Variants in BRINP2 observed in about 807,000 individuals in gnomAD.
BRINP2 encodes BMP/retinoic acid-inducible neural-specific protein 2.
In BRINP2, 21 loss-of-function variants were observed where a neutral mutation model predicts 69.2. The observed-to-expected ratio is 0.30, with a 90% CI of 0.22 to 0.44. The LOEUF (loss-of-function observed/expected upper bound fraction) is 0.44. Ranked by LOEUF, BRINP2 falls within the 20% of genes least tolerant of loss-of-function variation. The pLI is 1.00. For missense variants in BRINP2, 877 were observed against 986.0 expected, an observed-to-expected ratio of 0.89 and a Z score of 1.48; for synonymous variants, 380 against 394.1, an observed-to-expected ratio of 0.96 and a Z score of 0.42.
intron 1 of BRINP2, among the ~76,000 whole-genome samples, chr1:177,205,012 TC>T (rs1649031655): frequency 6.6e-6 from 1 of 152,230 alleles, no homozygotes; most frequent in Admixed American, 6.5e-5. Context: ...GCTCAAGCAA[TC>T]TATTATTTGA....
At chr1:177,279,677 A>C (rs1436452389) in intron 7 of BRINP2, among the ~76,000 whole-genome samples, 5 of 152,254 alleles carry the variant, frequency 3.3e-5, no homozygotes, top group African/African-American at 1.2e-4. Context: ...ATAATGATTA[A>C]AGGCTTACCA....
In BRINP2 at chr1:177,263,362, A is replaced by G. The variant is rs569466680; in HGVS notation, c.669+5978A>G. Among the ~76,000 whole-genome samples, 8 of 152,320 alleles carry G rather than the reference A, an allele frequency of 5.3e-5. No homozygotes were observed. In the South Asian group the frequency reaches 1.7e-3, roughly 32 times the overall value. ...AAGAAAAATAAACTGCAATGAGGAC[A>G]GGTAGTGGGTGCTAAGAGTCCAGTG... is the stretch of plus-strand genomic sequence containing the variant. On this transcript the variant is annotated intron_variant, in intron 4 of 7. Coordinates refer to ENST00000361539, the MANE Select transcript of BRINP2 (RefSeq NM_021165.4).
chr1:177,272,997 A>C (rs975069559), intron 4 of BRINP2, among the ~76,000 whole-genome samples: 1 of 152,208 alleles, frequency 6.6e-6, no homozygotes, highest in African/African-American at 2.4e-5. Context: ...CTCAGTGCCG[A>C]GGTGGGACTT....
chr1:177,180,830 A>G (rs1282843077), intron 1 of BRINP2, among the ~76,000 whole-genome samples: 2 of 152,220 alleles, frequency 1.3e-5, no homozygotes, highest in East Asian at 1.9e-4. Flanking sequence ...GTGATATATT[A>G]AAATTGATTT....
intron 1 of BRINP2, among the ~76,000 whole-genome samples, chr1:177,181,833 G>A (rs1648261413): frequency 6.6e-6 from 1 of 152,168 alleles, no homozygotes; most frequent in Non-Finnish European, 1.5e-5. Flanking sequence ...GCCTCCTCCG[G>A]AAGCCTCGGG....
chr1:177,234,352 C>G (rs570328278), intron 2 of BRINP2, among the ~76,000 whole-genome samples: 3 of 152,318 alleles, frequency 2.0e-5, no homozygotes, highest in African/African-American at 7.2e-5. Flanking sequence ...TGCCACCTCC[C>G]TTTGACTGGT....
At chr1:177,273,671 A>G (rs574063419) in intron 5 of BRINP2, 78 bp downstream of exon 5, 1 of 881,900 alleles carries the variant, frequency 1.1e-6, no homozygotes, top group Admixed American at 3.2e-5. Flanking sequence ...ATAGCGGGAA[A>G]AAATTCTGCC....
intron 1 of BRINP2, among the ~76,000 whole-genome samples, chr1:177,185,434 G>C (rs1056406936): frequency 6.6e-6 from 1 of 152,174 alleles, no homozygotes; most frequent in African/African-American, 2.4e-5. Context: ...GGAGGAGGGT[G>C]ATATTGCAGC....
In BRINP2 at chr1:177,196,554, G is replaced by T. The variant is rs549459875; in HGVS notation, c.-77+24822G>T. 2.0e-5 allele frequency among the ~76,000 whole-genome samples: 3 copies of T among 152,010 alleles called. No homozygotes were observed. In the South Asian group the frequency reaches 6.2e-4, roughly 32 times the overall value. On this transcript the variant is annotated intron_variant, in intron 1 of 7. Transcript: ENST00000361539. ...AATCACTTGAACCCGGGAGTCAGAGGTTGCAGTGAGCTGAGATTGCGCCAC... is the reference window on the plus strand; with the variant it reads ...AATCACTTGAACCCGGGAGTCAGAGTTTGCAGTGAGCTGAGATTGCGCCAC...
chr1:177,242,782 A>G (rs1200903499), intron 2 of BRINP2, among the ~76,000 whole-genome samples: 2 of 152,218 alleles, frequency 1.3e-5, no homozygotes, highest in African/African-American at 2.4e-5. Flanking sequence ...ACATAAGGGC[A>G]TAATAAGAGG....
chr1:177,203,220 C>T (rs1033363349), intron 1 of BRINP2, among the ~76,000 whole-genome samples: 10 of 146,590 alleles, frequency 6.8e-5, no homozygotes, highest in African/African-American at 8.1e-5. Context: ...AGCAAACTAT[C>T]GCAAGGACAA....
intron 2 of BRINP2, among the ~76,000 whole-genome samples, chr1:177,239,903 A>G (rs1650143156): frequency 6.6e-6 from 1 of 152,324 alleles, no homozygotes; most frequent in African/African-American, 2.4e-5. Flanking sequence ...TTAATGCTCT[A>G]TGATCCTGCC....
At chr1:177,237,637 G>A (rs1332398967) in intron 2 of BRINP2, among the ~76,000 whole-genome samples, 1 of 152,240 alleles carries the variant, frequency 6.6e-6, no homozygotes, top group Non-Finnish European at 1.5e-5. Context: ...ATTCAGGATG[G>A]CCAAGGGGGG....
At chr1:177,194,327 A>C (rs1430291094) in intron 1 of BRINP2, among the ~76,000 whole-genome samples, 1 of 152,214 alleles carries the variant, frequency 6.6e-6, no homozygotes, top group Non-Finnish European at 1.5e-5. Context: ...GGTTCCTTCT[A>C]TGAATAGGAT....
chr1:177,234,047 A>G (rs571313035), intron 2 of BRINP2, among the ~76,000 whole-genome samples: 4 of 152,306 alleles, frequency 2.6e-5, no homozygotes, highest in African/African-American at 9.6e-5. Flanking sequence ...GATCTGATCT[A>G]TTAGCCTCCT....
chr1:177,183,137 CTTTTT>C (rs71129597), intron 1 of BRINP2, among the ~76,000 whole-genome samples: 2 of 54,304 alleles, frequency 3.7e-5, no homozygotes, highest in African/African-American at 1.5e-4. Flanking sequence ...AGTGTGTGAG[CTTTTT>C]TTTTTTTTTT....
chr1:177,199,423 G>T (rs1648839205), intron 1 of BRINP2, among the ~76,000 whole-genome samples: 1 of 152,162 alleles, frequency 6.6e-6, no homozygotes, highest in Non-Finnish European at 1.5e-5. Context: ...TCACAGAGAT[G>T]AAAGGAGAAT....
chr1:177,272,647 C>T (rs956335019), intron 4 of BRINP2, among the ~76,000 whole-genome samples: 1 of 152,224 alleles, frequency 6.6e-6, no homozygotes, highest in African/African-American at 2.4e-5. Context: ...CGATTAACTT[C>T]AGGAAAGGTG....
At chr1:177,246,069 A>G (rs1650367732) in intron 2 of BRINP2, among the ~76,000 whole-genome samples, 1 of 152,144 alleles carries the variant, frequency 6.6e-6, no homozygotes, top group Non-Finnish European at 1.5e-5. Context: ...AGACAGTGAA[A>G]AGATGGAGAG....
Sources: gnomAD v4.1 joint callset for allele counts (sites outside exome capture counted in the v4.1 genomes callset) on GRCh38, gnomAD v4.1.1 for gene constraint, MANE v1.5 for transcripts, NCBI Gene and HGNC (gene_info 2026-07-23, HGNC 2026-07-21) for gene names.